The following NRXN3 variants were observed in gnomAD, a reference collection of about 807,000 sequenced individuals.
The protein encoded by NRXN3 is neurexin III.
In NRXN3, 32 loss-of-function variants were observed where a neutral mutation model predicts 137.6. That is an observed-to-expected ratio of 0.23 (90% CI 0.18 to 0.31). The LOEUF (loss-of-function observed/expected upper bound fraction) is 0.31. Ranked by LOEUF, NRXN3 falls within the 10% of genes least tolerant of loss-of-function variation. The pLI is 1.00. For missense variants in NRXN3, 1,574 were observed against 2,062.5 expected, an observed-to-expected ratio of 0.76 and a Z score of 4.59; for synonymous variants, 798 against 784.5, an observed-to-expected ratio of 1.02 and a Z score of -0.29.
At chr14:79,542,901 A>G (rs2097287222) in intron 16 of NRXN3, among the ~76,000 whole-genome samples, 1 of 152,074 alleles carries the variant, frequency 6.6e-6, no homozygotes, top group Non-Finnish European at 1.5e-5. Context: ...GAAAAAAAAA[A>G]AGTAAAGTTT....
intron 20 of NRXN3, chr14:79,853,465 T>C: frequency 1.3e-6 from 1 of 772,708 alleles, no homozygotes; most frequent in Non-Finnish European, 1.8e-6. Flanking sequence ...GTGTTAGAGT[T>C]CTGTTCTTTA....
chr14:78,662,567 A>C (rs2097850165), intron 6 of NRXN3, among the ~76,000 whole-genome samples: 1 of 152,130 alleles, frequency 6.6e-6, no homozygotes, highest in Non-Finnish European at 1.5e-5. Context: ...CATTTTGCTG[A>C]GGTTATCGAG....
intron 10 of NRXN3, among the ~76,000 whole-genome samples, chr14:78,910,329 G>T (rs1437781609): frequency 6.6e-6 from 1 of 152,004 alleles, no homozygotes; most frequent in Non-Finnish European, 1.5e-5. Context: ...TCATTTGTGG[G>T]GTGCAGATAT....
chr14:78,571,021 G>A (rs2096884525), intron 4 of NRXN3, among the ~76,000 whole-genome samples: 1 of 152,190 alleles, frequency 6.6e-6, no homozygotes, highest in African/African-American at 2.4e-5. Flanking sequence ...AGTCCCAGCA[G>A]CAGACAGTCC....
chr14:78,949,345 GC>G (rs1447501983), intron 10 of NRXN3, among the ~76,000 whole-genome samples: 1 of 152,020 alleles, frequency 6.6e-6, no homozygotes, highest in African/African-American at 2.4e-5. Flanking sequence ...TATATGGAAT[GC>G]TTTCCTGAAT....
chr14:78,783,071 A>G (rs1012972529), intron 8 of NRXN3, among the ~76,000 whole-genome samples: 3 of 152,210 alleles, frequency 2.0e-5, no homozygotes, highest in African/African-American at 4.8e-5. Context: ...ATATTTGCAT[A>G]GGCTCAAAGT....
chr14:79,039,901 G>A (rs1173893789), intron 15 of NRXN3, among the ~76,000 whole-genome samples: 1 of 152,082 alleles, frequency 6.6e-6, no homozygotes, highest in African/African-American at 2.4e-5. Context: ...ACAGGATCTT[G>A]CTAGGTTGCC....
At chr14:78,480,946 C>T (rs2095462472) in intron 4 of NRXN3, among the ~76,000 whole-genome samples, 1 of 152,046 alleles carries the variant, frequency 6.6e-6, no homozygotes, top group Non-Finnish European at 1.5e-5. Context: ...TCCATCTTTC[C>T]TCTACGTTGT....
intron 15 of NRXN3, among the ~76,000 whole-genome samples, chr14:79,242,504 C>T (rs1212046021): frequency 6.6e-6 from 1 of 152,146 alleles, no homozygotes; most frequent in African/African-American, 2.4e-5. Context: ...ATTGGCTACC[C>T]TCTGGGTTCC....
chr14:79,025,075 T>C (rs2099595831), intron 15 of NRXN3, among the ~76,000 whole-genome samples: 1 of 152,294 alleles, frequency 6.6e-6, no homozygotes, highest in Admixed American at 6.5e-5. Context: ...CATTCAACCA[T>C]TCTCTTCCCT....
intron 15 of NRXN3, among the ~76,000 whole-genome samples, chr14:79,132,075 G>A (rs1033565262): frequency 3.3e-5 from 5 of 152,246 alleles, no homozygotes; most frequent in African/African-American, 1.2e-4. Context: ...TGCGCGCACT[G>A]TCTGGCACTC....
rs1465705946 is a variant in NRXN3 at position 79,720,177 on chromosome 14, G to A, written c.4014+22240G>A. ...GGAAGGCAAAGGGGAAGAAAGACACGTTTTACATGTCAGCAGGCAAGAGTG... is the reference window on the plus strand; with the variant it reads ...GGAAGGCAAAGGGGAAGAAAGACACATTTTACATGTCAGCAGGCAAGAGTG... On this transcript the variant is annotated intron_variant, in intron 19 of 20. Transcript: ENST00000335750. 2.0e-5 allele frequency among the ~76,000 whole-genome samples: 3 copies of A among 152,060 alleles called. 1 individual carries two copies. The highest frequency in any genetic ancestry group is 4.1e-4 in the South Asian group (2 of 4,820).
intron 4 of NRXN3, among the ~76,000 whole-genome samples, chr14:78,322,561 T>C (rs1269280464): frequency 6.6e-6 from 1 of 151,972 alleles, no homozygotes; most frequent in South Asian, 2.1e-4. Flanking sequence ...AACTCTGTGC[T>C]CCATGTGTCA....
At chr14:79,765,897 C>G (rs1382245193) in intron 19 of NRXN3, among the ~76,000 whole-genome samples, 1 of 152,104 alleles carries the variant, frequency 6.6e-6, no homozygotes, top group Non-Finnish European at 1.5e-5. Context: ...TGTAAAAAAA[C>G]AGTTCTTATA....
intron 15 of NRXN3, among the ~76,000 whole-genome samples, chr14:79,375,390 G>A (rs1203679699): frequency 6.6e-6 from 1 of 150,920 alleles, no homozygotes; most frequent in Non-Finnish European, 1.5e-5. Context: ...ATGACATAGA[G>A]AAAATAAGGA....
chr14:79,351,388 G>C (rs749155707), intron 15 of NRXN3, among the ~76,000 whole-genome samples: 1 of 152,162 alleles, frequency 6.6e-6, no homozygotes, highest in Non-Finnish European at 1.5e-5. Context: ...GTTAACTACT[G>C]TCTAAAGATC....
intron 15 of NRXN3, among the ~76,000 whole-genome samples, chr14:79,270,791 A>G (rs2153425030): frequency 6.6e-6 from 1 of 152,316 alleles, no homozygotes; most frequent in African/African-American, 2.4e-5. Context: ...TGTTTCACCT[A>G]TTTTAAGAAA....
chr14:78,950,661 A>AAAGG (rs567867616), intron 10 of NRXN3, among the ~76,000 whole-genome samples: 1 of 151,878 alleles, frequency 6.6e-6, no homozygotes, highest in African/African-American at 2.4e-5. Context: ...AGGAAGGAAA[A>AAAGG]AAGGAAGGAA....
In NRXN3 at chr14:79,646,191, C is replaced by T. The variant is rs1456072424; in HGVS notation, c.3445-17587C>T. Among the ~76,000 whole-genome samples the T allele has an allele frequency of 2.2e-5, 3 of 135,176 alleles. 1 individual carries two copies. The highest frequency in any genetic ancestry group is 5.2e-5 in the Non-Finnish European group (3 of 58,220). The allele number at this position is 135,176 out of a possible 152,430, so 88.7% of individuals were successfully genotyped here. On this transcript the variant is annotated intron_variant, in intron 16 of 20. Transcript: ENST00000335750. The stretch of plus-strand genomic sequence containing the variant: ...ATTAGAGGCAGTGGTATCATGATTG[C>T]CTGGGCCATTGCAATAAATATGGTG...
Sources: allele counts gnomAD v4.1 joint callset (sites outside exome capture counted in the v4.1 genomes callset), GRCh38; gene constraint gnomAD v4.1.1; transcripts MANE v1.5; gene names NCBI Gene and HGNC (gene_info 2026-07-23, HGNC 2026-07-21).